DNAH17: variants seen among roughly 807,000 people sequenced by gnomAD.
The protein encoded by DNAH17 is axonemal beta dynein heavy chain 17.
DNAH17 carries 376 observed loss-of-function variants against 485.6 expected under a neutral mutation model. The ratio of observed to expected loss-of-function variants is 0.77; its 90% confidence interval spans 0.71 to 0.84. The LOEUF (loss-of-function observed/expected upper bound fraction) is 0.84. Among genes scored for constraint, DNAH17 ranks in the 40% least tolerant of loss-of-function variants. The pLI is 0.00. For missense variants in DNAH17, 6,370 were observed against 5,839.3 expected, an observed-to-expected ratio of 1.09 and a Z score of -2.96; for synonymous variants, 3,031 against 2,405.9, an observed-to-expected ratio of 1.26 and a Z score of -7.60.
At chr17:78,433,951 AGGAGGGAGGGAAGGAG>A in intron 75 of DNAH17, 62 bp downstream of exon 75, 2 of 1,009,404 alleles carry the variant, frequency 2.0e-6, no homozygotes, top group Non-Finnish European at 2.8e-6. Context: ...GAGGGAGGGA[AGGAGGGAGGGAAGGAG>A]GGAGGGAAGG....
intron 14 of DNAH17, among the ~76,000 whole-genome samples, chr17:78,553,303 TTTTTTTTTTTTTTTTTA>T (rs1261500630): frequency 2.6e-4 from 20 of 75,540 alleles, no homozygotes; most frequent in Middle Eastern, 5.3e-3. Context: ...TTTTTTTTTT[TTTTTTTTTTTTTTTTTA>T]AGATGGAGTC....
In DNAH17 at chr17:78,501,317, G is replaced by C; in HGVS notation, c.5350C>G (p.Gln1784Glu). The C allele has an allele frequency of 2.5e-6, 4 of 1,603,514 alleles. No homozygotes were observed. The highest frequency in any genetic ancestry group is 3.4e-6 in the Non-Finnish European group (4 of 1,171,554). The change falls in exon 35 of 81, where the codon CAG (glutamine) becomes GAG (glutamate). Residue 1784 changes from glutamine (Q) to glutamate (E), a missense_variant. Coordinates refer to ENST00000389840, the MANE Select transcript of DNAH17 (RefSeq NM_173628.4). Reference protein sequence around the residue: ...KVESSQAFTWQAQLRHRWDEE... With the variant: ...KVESSQAFTWEAQLRHRWDEE... ...TCCCAGCGATGCCGGAGCTGGGCCTGCCAGGTGAAGGCCTGAGAACTCTCC... is the reference window on the plus strand; with the variant it reads ...TCCCAGCGATGCCGGAGCTGGGCCTCCCAGGTGAAGGCCTGAGAACTCTCC...
intron 19 of DNAH17, among the ~76,000 whole-genome samples, chr17:78,535,693 C>T (rs1401594592): frequency 6.6e-6 from 1 of 152,158 alleles, no homozygotes; most frequent in East Asian, 1.9e-4. Flanking sequence ...TCTCCCCTCC[C>T]CTCCTTCCTC....
rs1440179955 is a variant in DNAH17 at position 78,571,014 on chromosome 17, G to A, written c.852C>T (p.Asp284=). The change falls in exon 6 of 81, where the codon GAC becomes GAT. Residue 284 remains aspartate (D), a synonymous_variant. Coordinates refer to ENST00000389840, the MANE Select transcript of DNAH17 (RefSeq NM_173628.4). ...NVTEGLKEAN[D]IVLYLKPLRI... Reference sequence around the variant, plus strand: ...GTAGGGGCTTCAAATAGAGCACGATGTCGTTGGCTTCCTTCAGCCCTGCAC... The same window carrying A: ...GTAGGGGCTTCAAATAGAGCACGATATCGTTGGCTTCCTTCAGCCCTGCAC... The A allele has an allele frequency of 6.3e-7, 1 of 1,576,076 alleles. No homozygotes were observed. Among genetic ancestry groups the A allele is most frequent in the East Asian group, 2.3e-5 (1 of 42,966 alleles).
rs879503045 is a variant in DNAH17 at position 78,559,143 on chromosome 17, G to T, written c.2032-889C>A. Among the ~76,000 whole-genome samples the T allele has an allele frequency of 1.3e-5, 2 of 152,198 alleles. 1 individual carries two copies. Among genetic ancestry groups the T allele is most frequent in the South Asian group, 4.1e-4 (2 of 4,832 alleles). On this transcript the variant is annotated intron_variant, in intron 13 of 80. Transcript: ENST00000389840. ...ACCAGCCAGCCCATTTGTCATCTCCGCTGAATGAGGTAATGAGATGTCCAG... is the reference window on the plus strand; with the variant it reads ...ACCAGCCAGCCCATTTGTCATCTCCTCTGAATGAGGTAATGAGATGTCCAG...
intron 16 of DNAH17, among the ~76,000 whole-genome samples, chr17:78,550,817 T>C (rs2091885511): frequency 6.6e-6 from 1 of 152,156 alleles, no homozygotes; most frequent in Non-Finnish European, 1.5e-5. Flanking sequence ...ACAAGATCAT[T>C]GTAGATGAGG....
At chr17:78,484,748 A>ACCC in intron 48 of DNAH17, 120 bp downstream of exon 48, 1 of 138,456 alleles carries the variant, frequency 7.2e-6, no homozygotes, top group Non-Finnish European at 1.1e-5. Context: ...CACCCCCCCC[A>ACCC]CCGCCCCACA....
chr17:78,500,412 G>A lies in DNAH17; in HGVS notation c.5533C>T (p.Pro1845Ser). The A allele has an allele frequency of 6.2e-7, 1 of 1,609,804 alleles. No homozygotes were observed. The highest frequency in any genetic ancestry group is 8.5e-7 in the Non-Finnish European group (1 of 1,178,808). Residue 1845 changes from proline (P) to serine (S), a missense_variant, in exon 36 of 81, where the codon CCT (proline) becomes TCT (serine). Physicochemically the swap from Pro to Ser is moderately conservative, Grantham distance 74 (BLOSUM62 -1). Transcript: ENST00000389840. ...QSLHLIMGGA[P>S]AGPAGTGKTE... ...TTGCCGGTCCCAGCGGGGCCGGCAGGGGCTCCACCCATGATGAGATGGAGG... is the reference window on the plus strand; with the variant it reads ...TTGCCGGTCCCAGCGGGGCCGGCAGAGGCTCCACCCATGATGAGATGGAGG...
chr17:78,444,940 C>T lies in DNAH17; in HGVS notation c.11335-143G>A. On this transcript the variant is annotated intron_variant, in intron 70 of 80. Transcript: ENST00000389840. ...GGGATAAGGAAGCCCGAGAGGCTGG[C>T]CACCAAAGCAGGAGCTGTCCATGCC... 5 of 840,214 alleles carry T rather than the reference C, an allele frequency of 6.0e-6. No individual in the cohort carries two copies. The South Asian group carries it at 1.0e-4, about 17-fold the overall frequency. The allele number at this position is 840,214 out of a possible 1,614,324, so 52.0% of individuals were successfully genotyped here.
intron 54 of DNAH17, among the ~76,000 whole-genome samples, chr17:78,474,399 C>T (rs778019799): frequency 6.6e-6 from 1 of 152,228 alleles, no homozygotes; most frequent in Admixed American, 6.5e-5. Flanking sequence ...TTTTCAGGAA[C>T]AAGAAATCAA....
chr17:78,510,528 A>G (rs1568178037), intron 26 of DNAH17, 22 bp from the exon 27 acceptor site: 1 of 1,612,920 alleles, frequency 6.2e-7, no homozygotes, highest in Admixed American at 1.7e-5. Flanking sequence ...AAATCCAGGC[A>G]GGATTCATTT....
chr17:78,427,209 T>G (rs149001523), intron 77 of DNAH17, 101 bp from the exon 78 acceptor site: 180 of 1,258,380 alleles, frequency 1.4e-4, no homozygotes, highest in Non-Finnish European at 2.0e-4. Context: ...CCCCAAGTCC[T>G]GGAGAGGAGG....
Position 78,460,205 on chromosome 17 carries a change from G to A in DNAH17, c.9392C>T (p.Pro3131Leu), listed in dbSNP as rs1003185850. 6.8e-6 allele frequency: 11 copies of A among 1,609,040 alleles called. No individual in the cohort carries two copies. The highest frequency in any genetic ancestry group is 2.2e-5 in the South Asian group (2 of 90,132). Residue 3131 changes from proline to leucine, a missense_variant, in exon 59 of 81, where the codon CCG becomes CTG. Pro to Leu is a moderately conservative substitution (Grantham distance 98). Transcript: ENST00000389840. ...AGCCTCCTGGGCTGCCAGCAGGGCC[G>A]GTTCTGCTTTGGCCAGGTCTGTTTC... ...ACETDLAKAE[P>L]ALLAAQEALD...
chr17:78,502,664 G>A lies in DNAH17; in HGVS notation c.5117C>T (p.Thr1706Ile), dbSNP rs1185492070. Residue 1706 changes from threonine to isoleucine, a missense_variant, in exon 33 of 81, where the codon ACC (threonine) becomes ATC (isoleucine). By Grantham distance (89) the Thr-to-Ile change is moderately conservative. Coordinates refer to ENST00000389840, the MANE Select transcript of DNAH17 (RefSeq NM_173628.4). ...CCTGGCAAATGCCAGGCCCACCTCG[G>A]TCGTCCACCAGATCTGGGTGCAAGT... ...ALTCTQIWWT[T>I]EVGLAFARLE... is the part of the protein sequence containing the mutation. 1 of 1,612,784 alleles carries A rather than the reference G, an allele frequency of 6.2e-7. No homozygotes were observed. Among genetic ancestry groups the A allele is most frequent in the Non-Finnish European group, 8.5e-7 (1 of 1,179,952 alleles).
At chr17:78,569,664 T>G (rs2092321587) in intron 7 of DNAH17, 137 bp from the exon 8 acceptor site, 1 of 1,161,338 alleles carries the variant, frequency 8.6e-7, no homozygotes. Flanking sequence ...TGCCCACTGC[T>G]GGGCCGTTTT....
At chr17:78,489,541 T>A (rs952402928) in intron 44 of DNAH17, 1 of 152,258 alleles carries the variant, frequency 6.6e-6, no homozygotes, top group Non-Finnish European at 1.5e-5. Flanking sequence ...AACTCTTCTG[T>A]CCTTGGCTTG....
At chr17:78,498,524 G>A (rs772742797) in intron 37 of DNAH17, among the ~76,000 whole-genome samples, 16 of 152,178 alleles carry the variant, frequency 1.1e-4, no homozygotes, top group South Asian at 4.1e-4. Context: ...GGCCCAGGCT[G>A]CTCCCCAATC....
intron 17 of DNAH17, among the ~76,000 whole-genome samples, chr17:78,542,311 C>T (rs969203022): frequency 6.6e-6 from 1 of 151,948 alleles, no homozygotes; most frequent in Non-Finnish European, 1.5e-5. Context: ...CTATACCTGG[C>T]TAATTTTTGT....
intron 62 of DNAH17, among the ~76,000 whole-genome samples, chr17:78,457,543 A>G (rs2087865581): frequency 6.6e-6 from 1 of 151,996 alleles, no homozygotes; most frequent in Non-Finnish European, 1.5e-5. Flanking sequence ...GTTTCTTTGT[A>G]CTTAAAAAAT....
Sources: allele counts gnomAD v4.1 joint callset (sites outside exome capture counted in the v4.1 genomes callset), GRCh38; gene constraint gnomAD v4.1.1; transcripts MANE v1.5; gene names NCBI Gene and HGNC (gene_info 2026-07-23, HGNC 2026-07-21).